Variants in VEPH1 observed in about 807,000 individuals in gnomAD.
VEPH1 encodes ventricular zone expressed PH domain containing 1.
VEPH1 carries 80 observed loss-of-function variants against 85.2 expected under a neutral mutation model. The observed-to-expected ratio is 0.94, with a 90% CI of 0.78 to 1.13. VEPH1 has a LOEUF of 1.13. VEPH1 is among the 50% of genes most tolerant of loss of function. The pLI is 0.00. For missense variants in VEPH1, 955 were observed against 980.5 expected, an observed-to-expected ratio of 0.97 and a Z score of 0.35; for synonymous variants, 297 against 348.0, an observed-to-expected ratio of 0.85 and a Z score of 1.63.
At chr3:157,436,844 C>CCTCTCA (rs1345970280) in intron 4 of VEPH1, 4 of 1,443,284 alleles carry the variant, frequency 2.8e-6, no homozygotes, top group South Asian at 1.3e-5. Flanking sequence ...TCTGCTCCAG[C>CCTCTCA]CTCTCACTCT....
chr3:157,383,830 G>A (rs369837492), intron 6 of VEPH1, among the ~76,000 whole-genome samples: 13 of 151,970 alleles, frequency 8.6e-5, no homozygotes, highest in East Asian at 7.7e-4. Flanking sequence ...TCATATTTTG[G>A]GTCATACAAT....
intron 9 of VEPH1, among the ~76,000 whole-genome samples, chr3:157,350,742 T>C (rs115999710): frequency 0.043 from 6,568 of 152,118 alleles, 279 homozygotes; most frequent in South Asian, 0.19. Flanking sequence ...AAAGAAGACA[T>C]ACATATGACC....
chr3:157,423,986 C>T (rs892676076), intron 5 of VEPH1, among the ~76,000 whole-genome samples: 1 of 152,008 alleles, frequency 6.6e-6, no homozygotes, highest in African/African-American at 2.4e-5. Flanking sequence ...CTTGGACTAA[C>T]AATTCATATT....
intron 1 of VEPH1, among the ~76,000 whole-genome samples, chr3:157,498,044 C>T (rs1036243959): frequency 6.6e-6 from 1 of 152,132 alleles, no homozygotes; most frequent in Non-Finnish European, 1.5e-5. Flanking sequence ...TGGGGAAGTA[C>T]AAGGGAGAGA....
At chr3:157,290,806 C>T (rs1717389309) in intron 11 of VEPH1, among the ~76,000 whole-genome samples, 2 of 152,058 alleles carry the variant, frequency 1.3e-5, no homozygotes, top group South Asian at 2.1e-4. Context: ...AGCATTTCTC[C>T]GGTTTTAGAA....
intron 12 of VEPH1, among the ~76,000 whole-genome samples, chr3:157,271,442 G>A (rs139415678): frequency 1.1e-3 from 163 of 152,230 alleles, no homozygotes; most frequent in African/African-American, 3.7e-3. Context: ...TAGGAAAAGC[G>A]CCATAGTACT....
chr3:157,411,265 G>A (rs970554298), intron 6 of VEPH1, among the ~76,000 whole-genome samples: 2 of 152,158 alleles, frequency 1.3e-5, no homozygotes, highest in East Asian at 1.9e-4. Flanking sequence ...TTCGTTATGT[G>A]TAAGAGAATC....
intron 7 of VEPH1, among the ~76,000 whole-genome samples, chr3:157,378,306 G>GTATATA (rs56800722): frequency 8.5e-5 from 8 of 94,632 alleles, no homozygotes; most frequent in African/African-American, 1.4e-4. Flanking sequence ...TTTTTGAATG[G>GTATATA]TATATATATA....
chr3:157,394,907 C>T (rs1730218569), intron 6 of VEPH1, among the ~76,000 whole-genome samples: 1 of 152,168 alleles, frequency 6.6e-6, no homozygotes, highest in Non-Finnish European at 1.5e-5. Context: ...GAAACAGTAC[C>T]ATATACTAGA....
At chr3:157,478,566 T>C (rs1737715731) in intron 2 of VEPH1, among the ~76,000 whole-genome samples, 1 of 152,204 alleles carries the variant, frequency 6.6e-6, no homozygotes, top group Admixed American at 6.5e-5. Flanking sequence ...CAGTCATCTG[T>C]GTCTTGGTCA....
rs144123182 is a variant in VEPH1 at position 157,391,459 on chromosome 3, C to T, written c.907-10083G>A. Reference sequence around the variant, plus strand: ...AAGACAATGGGAAAAACTGCACTTTCCCAGACCTGGGACTGATGGCGGGAT... The same window carrying T: ...AAGACAATGGGAAAAACTGCACTTTTCCAGACCTGGGACTGATGGCGGGAT... On this transcript the variant is annotated intron_variant, in intron 6 of 13. Transcript: ENST00000362010. Among the ~76,000 whole-genome samples, 984 of 152,288 alleles carry T rather than the reference C, an allele frequency of 6.5e-3. 10 individuals are homozygous for T. The highest frequency in any genetic ancestry group is 0.01 in the Admixed American group (154 of 15,306).
At chr3:157,477,935 G>T (rs1395277450) in intron 2 of VEPH1, among the ~76,000 whole-genome samples, 1 of 152,090 alleles carries the variant, frequency 6.6e-6, no homozygotes, top group African/African-American at 2.4e-5. Flanking sequence ...GCTTATCAGA[G>T]AAGCTGTTTC....
At chr3:157,373,700 G>A (rs1307843492) in intron 7 of VEPH1, among the ~76,000 whole-genome samples, 1 of 152,110 alleles carries the variant, frequency 6.6e-6, no homozygotes, top group African/African-American at 2.4e-5. Context: ...CATTCCCTAG[G>A]CTAGAACTTT....
At chr3:157,305,689 G>A (rs1305148272) in intron 11 of VEPH1, among the ~76,000 whole-genome samples, 1 of 152,192 alleles carries the variant, frequency 6.6e-6, no homozygotes, top group Non-Finnish European at 1.5e-5. Flanking sequence ...TTTTAGAAAT[G>A]TTGAAATAAT....
intron 9 of VEPH1, among the ~76,000 whole-genome samples, chr3:157,322,438 CTT>C (rs1472944890): frequency 1.3e-5 from 2 of 152,132 alleles, no homozygotes; most frequent in Non-Finnish European, 2.9e-5. Context: ...GGAAATATCT[CTT>C]TGAGGCTCTG....
At chr3:157,441,214 C>T (rs890215754) in intron 4 of VEPH1, among the ~76,000 whole-genome samples, 1 of 152,158 alleles carries the variant, frequency 6.6e-6, no homozygotes, top group Admixed American at 6.5e-5. Flanking sequence ...TGATTAAGGG[C>T]GTGGCCTCTG....
intron 12 of VEPH1, among the ~76,000 whole-genome samples, chr3:157,275,469 G>A (rs532535124): frequency 6.6e-5 from 10 of 152,072 alleles, no homozygotes; most frequent in African/African-American, 1.4e-4. Flanking sequence ...CCAGCTACTC[G>A]GGAGACTGAG....
At chr3:157,324,958 T>C (rs538598808) in intron 9 of VEPH1, among the ~76,000 whole-genome samples, 1 of 152,328 alleles carries the variant, frequency 6.6e-6, no homozygotes, top group African/African-American at 2.4e-5. Flanking sequence ...CCACCAACAG[T>C]GTAAAAGCAT....
At chr3:157,448,627 C>G (rs1296648868) in intron 4 of VEPH1, among the ~76,000 whole-genome samples, 1 of 152,112 alleles carries the variant, frequency 6.6e-6, no homozygotes, top group East Asian at 1.9e-4. Context: ...TTTTATTTAT[C>G]AGTACTGAAA....
Sources: allele counts gnomAD v4.1 joint callset (sites outside exome capture counted in the v4.1 genomes callset), GRCh38; gene constraint gnomAD v4.1.1; transcripts MANE v1.5; gene names NCBI Gene and HGNC (gene_info 2026-07-23, HGNC 2026-07-21).